The following CNTNAP2 variants were observed in gnomAD, a reference collection of about 807,000 sequenced individuals.
CNTNAP2 encodes contactin-associated protein-like 2.
A neutral mutation model predicts 155.2 loss-of-function variants in CNTNAP2; 98 were observed. The ratio of observed to expected loss-of-function variants is 0.63; its 90% CI spans 0.54 to 0.75. CNTNAP2 has a LOEUF of 0.75. Among genes scored for constraint, CNTNAP2 ranks in the 30% least tolerant of loss-of-function variants. CNTNAP2 has a pLI of 0.00. For missense variants in CNTNAP2, 1,727 were observed against 1,688.1 expected (o/e 1.02, Z -0.40); for synonymous variants, 651 against 631.2 (o/e 1.03, Z -0.47).
intron 2 of CNTNAP2, among the ~76,000 whole-genome samples, chr7:146,791,081 CCT>C (rs1391545399): frequency 3.9e-5 from 6 of 151,984 alleles, no homozygotes; most frequent in Non-Finnish European, 8.8e-5. Flanking sequence ...GCCCCTACCC[CCT>C]GACAGGCCCC....
At chr7:148,252,814 C>A (rs1796386906) in intron 20 of CNTNAP2, among the ~76,000 whole-genome samples, 2 of 152,054 alleles carry the variant, frequency 1.3e-5, no homozygotes, top group Non-Finnish European at 2.9e-5. Flanking sequence ...CTCCAGGTCT[C>A]CCCCACTATT....
chr7:146,131,030 G>A (rs1458018424), intron 1 of CNTNAP2, among the ~76,000 whole-genome samples: 2 of 152,186 alleles, frequency 1.3e-5, no homozygotes, highest in African/African-American at 4.8e-5. Flanking sequence ...GGTTCACAGA[G>A]CCAAACCATA....
At chr7:147,795,945 C>G (rs1797886449) in intron 13 of CNTNAP2, among the ~76,000 whole-genome samples, 1 of 152,060 alleles carries the variant, frequency 6.6e-6, no homozygotes, top group South Asian at 2.1e-4. Flanking sequence ...TTGCTTCTTG[C>G]AATAGGCAAT....
intron 15 of CNTNAP2, among the ~76,000 whole-genome samples, chr7:148,099,421 TTG>T (rs35957905): frequency 0.013 from 1,887 of 140,800 alleles, 14 homozygotes; most frequent in South Asian, 0.023. Flanking sequence ...AGCATTGCAA[TTG>T]TGTGTGTGTG....
At chr7:147,816,114 G>GT (rs1798261940) in intron 13 of CNTNAP2, among the ~76,000 whole-genome samples, 1 of 152,166 alleles carries the variant, frequency 6.6e-6, no homozygotes, top group South Asian at 2.1e-4. Flanking sequence ...ATGAGCAGTC[G>GT]TTTTTTATAT....
intron 21 of CNTNAP2, among the ~76,000 whole-genome samples, chr7:148,282,810 A>G (rs1296472606): frequency 6.7e-6 from 1 of 149,446 alleles, no homozygotes; most frequent in Admixed American, 6.8e-5. Context: ...TGTTTTAATC[A>G]CATTTTTAGT....
chr7:146,705,428 G>A (rs1800945723), intron 1 of CNTNAP2, among the ~76,000 whole-genome samples: 1 of 151,934 alleles, frequency 6.6e-6, no homozygotes, highest in Admixed American at 6.6e-5. Context: ...CAGCTCTCTG[G>A]GGTATCTTTT....
At chr7:146,488,259 C>T (rs1484448388) in intron 1 of CNTNAP2, among the ~76,000 whole-genome samples, 1 of 124,442 alleles carries the variant, frequency 8.0e-6, no homozygotes, top group East Asian at 2.4e-4. Flanking sequence ...CCTTCCTCCC[C>T]TCCCCTCCCC....
chr7:147,714,007 C>T (rs1270603378), intron 13 of CNTNAP2, among the ~76,000 whole-genome samples: 2 of 152,046 alleles, frequency 1.3e-5, no homozygotes, highest in African/African-American at 4.8e-5. Flanking sequence ...CTTTTGCATG[C>T]CATTTGCATC....
intron 20 of CNTNAP2, among the ~76,000 whole-genome samples, chr7:148,258,263 G>A (rs1247499355): frequency 1.3e-5 from 2 of 152,132 alleles, no homozygotes; most frequent in Non-Finnish European, 2.9e-5. Flanking sequence ...TGAACCCACA[G>A]GGTTACGGTC....
At chr7:148,292,782 A>AC (rs1797211262) in intron 21 of CNTNAP2, among the ~76,000 whole-genome samples, 1 of 152,178 alleles carries the variant, frequency 6.6e-6, no homozygotes, top group Non-Finnish European at 1.5e-5. Context: ...GGACCAGAGA[A>AC]CACAATCTAG....
At chr7:146,464,910 C>T (rs1329367987) in intron 1 of CNTNAP2, among the ~76,000 whole-genome samples, 1 of 152,110 alleles carries the variant, frequency 6.6e-6, no homozygotes, top group Non-Finnish European at 1.5e-5. Context: ...TGTAGCCTGC[C>T]TCAGTGCTTG....
intron 3 of CNTNAP2, among the ~76,000 whole-genome samples, chr7:147,033,172 A>G (rs1372654435): frequency 6.7e-4 from 31 of 46,594 alleles, no homozygotes; most frequent in African/African-American, 2.5e-3. Flanking sequence ...ATATATATAT[A>G]TATATATATA....
intron 1 of CNTNAP2, among the ~76,000 whole-genome samples, chr7:146,386,121 G>A (rs560480450): frequency 7.9e-5 from 12 of 152,036 alleles, no homozygotes; most frequent in African/African-American, 2.9e-4. Flanking sequence ...TTCTTCTGGT[G>A]TTTACTCTTA....
At chr7:148,301,285 C>A (rs1797383457) in intron 21 of CNTNAP2, among the ~76,000 whole-genome samples, 1 of 91,730 alleles carries the variant, frequency 1.1e-5, no homozygotes, top group Non-Finnish European at 2.1e-5. Context: ...CAAGGCGAGA[C>A]TCCGTCTAAA....
chr7:147,548,139 T>A (rs565859530), intron 11 of CNTNAP2, among the ~76,000 whole-genome samples: 1 of 152,322 alleles, frequency 6.6e-6, no homozygotes, highest in East Asian at 1.9e-4. Flanking sequence ...GACTGCTGAG[T>A]CAAATGGTGT....
chr7:147,522,904 G>T (rs768209536), intron 11 of CNTNAP2, among the ~76,000 whole-genome samples: 1 of 151,736 alleles, frequency 6.6e-6, no homozygotes, highest in Non-Finnish European at 1.5e-5. Context: ...ATTTCTAAAT[G>T]AATAACAAAC....
At chr7:148,346,659 C>T (rs1354394435) in intron 21 of CNTNAP2, among the ~76,000 whole-genome samples, 2 of 151,854 alleles carry the variant, frequency 1.3e-5, no homozygotes, top group African/African-American at 2.4e-5. Flanking sequence ...ATAATCCCAG[C>T]TACCTGGGAG....
At chr7:147,982,973 G>A (rs189042820) in intron 15 of CNTNAP2, among the ~76,000 whole-genome samples, 156 of 145,046 alleles carry the variant, frequency 1.1e-3, no homozygotes, top group African/African-American at 3.7e-3. Flanking sequence ...AGCCAACATC[G>A]TGCTGTTGCA....
Sources: gnomAD v4.1 joint callset for allele counts (sites outside exome capture counted in the v4.1 genomes callset) on GRCh38, gnomAD v4.1.1 for gene constraint, MANE v1.5 for transcripts, NCBI Gene and HGNC (gene_info 2026-07-23, HGNC 2026-07-21) for gene names.